Variants in GRM7 observed in about 807,000 individuals in gnomAD.
GRM7 encodes the protein metabotropic glutamate receptor 7.
Under a neutral mutation model 84.5 loss-of-function variants are expected in GRM7, and 35 were observed. The ratio of observed to expected loss-of-function variants is 0.41; its 90% CI spans 0.32 to 0.55. GRM7 has a LOEUF of 0.55. Among genes scored for constraint, GRM7 ranks in the 20% least tolerant of loss-of-function variants. The pLI is 0.19. For missense variants in GRM7, 1,003 were observed against 1,194.6 expected (o/e 0.84, Z 2.36); for synonymous variants, 487 against 455.1 (o/e 1.07, Z -0.89).
intron 2 of GRM7, among the ~76,000 whole-genome samples, chr3:7,192,885 T>A (rs956671847): frequency 4.6e-5 from 7 of 152,124 alleles, no homozygotes; most frequent in Non-Finnish European, 1.0e-4. Flanking sequence ...CACTGGTGAA[T>A]CCTGCCAATA....
chr3:7,667,636 T>G lies in GRM7; in HGVS notation c.2452-12413T>G, dbSNP rs186020977. Among the ~76,000 whole-genome samples, 232 of 152,236 alleles carry G rather than the reference T, an allele frequency of 1.5e-3. 1 individual carries two copies. Among genetic ancestry groups the G allele is most frequent in the Non-Finnish European group, 2.4e-3 (165 of 68,018 alleles). On this transcript the variant is annotated intron_variant, in intron 8 of 9. Transcript: ENST00000357716. ...TTCTAAGAATTTTTTTTTCCTAAATTATAAACATGGTCCTAGATATTATGG... is the reference window on the plus strand; with the variant it reads ...TTCTAAGAATTTTTTTTTCCTAAATGATAAACATGGTCCTAGATATTATGG...
chr3:7,409,089 C>G (rs945469754), intron 4 of GRM7, among the ~76,000 whole-genome samples: 1 of 152,034 alleles, frequency 6.6e-6, no homozygotes, highest in Non-Finnish European at 1.5e-5. Context: ...ATTTATGTGC[C>G]AAGACTACTG....
chr3:7,555,109 C>T (rs1693693917), intron 7 of GRM7, among the ~76,000 whole-genome samples: 1 of 152,162 alleles, frequency 6.6e-6, no homozygotes, highest in African/African-American at 2.4e-5. Flanking sequence ...ATGTCTCATT[C>T]TTCTCAGTTG....
intron 4 of GRM7, among the ~76,000 whole-genome samples, chr3:7,381,628 T>C (rs1694595819): frequency 6.6e-6 from 1 of 152,208 alleles, no homozygotes; most frequent in Admixed American, 6.5e-5. Flanking sequence ...AGTTGACCTC[T>C]ATGAGCCTCC....
intron 7 of GRM7, among the ~76,000 whole-genome samples, chr3:7,543,547 G>T (rs950685190): frequency 6.6e-6 from 1 of 152,186 alleles, no homozygotes; most frequent in Non-Finnish European, 1.5e-5. Flanking sequence ...CAGCAATTCT[G>T]CCACCAGGCT....
At chr3:7,359,674 C>T (rs1461527059) in intron 4 of GRM7, among the ~76,000 whole-genome samples, 1 of 148,032 alleles carries the variant, frequency 6.8e-6, no homozygotes, top group African/African-American at 2.6e-5. Flanking sequence ...ATCTAAGGAA[C>T]AGACTTTTCT....
intron 2 of GRM7, among the ~76,000 whole-genome samples, chr3:7,216,992 G>GT (rs370278234): frequency 0.011 from 1,740 of 152,240 alleles, 29 homozygotes; most frequent in African/African-American, 0.039. Flanking sequence ...ACATCATTTA[G>GT]TTTTTTTCAT....
At chr3:7,192,151 G>A (rs935269755) in intron 2 of GRM7, among the ~76,000 whole-genome samples, 7 of 152,250 alleles carry the variant, frequency 4.6e-5, no homozygotes, top group African/African-American at 1.2e-4. Context: ...CTCTGGGTCC[G>A]TGGTTTCAGA....
At chr3:7,699,100 T>A (rs1029745561) in intron 9 of GRM7, among the ~76,000 whole-genome samples, 4 of 152,130 alleles carry the variant, frequency 2.6e-5, no homozygotes, top group Non-Finnish European at 5.9e-5. Context: ...TGGCAAAGGG[T>A]AATCTCTCAG....
chr3:7,073,440 G>T (rs1559421355), intron 1 of GRM7, among the ~76,000 whole-genome samples: 1 of 152,006 alleles, frequency 6.6e-6, no homozygotes, highest in Non-Finnish European at 1.5e-5. Flanking sequence ...GCAGCACTGT[G>T]CCTTAGTATT....
chr3:6,883,914 G>A (rs184145662), intron 1 of GRM7, among the ~76,000 whole-genome samples: 149 of 152,302 alleles, frequency 9.8e-4, no homozygotes, highest in Non-Finnish European at 1.7e-3. Context: ...GAGCAGCAAC[G>A]TACTGTGCAG....
chr3:7,085,788 A>G (rs528425515), intron 1 of GRM7, among the ~76,000 whole-genome samples: 1 of 152,222 alleles, frequency 6.6e-6, no homozygotes. Flanking sequence ...TTTCAGCTGG[A>G]TGTGGAACCT....
chr3:7,445,218 T>G (rs1223009515), intron 5 of GRM7, among the ~76,000 whole-genome samples: 1 of 152,216 alleles, frequency 6.6e-6, no homozygotes, highest in African/African-American at 2.4e-5. Context: ...ACTTTTAGAT[T>G]ACTTATGGCT....
In GRM7 at chr3:7,298,797, G is replaced by C; in HGVS notation, c.850G>C (p.Val284Leu). 6.2e-7 allele frequency: 1 copy of C among 1,613,676 alleles called. No individual in the cohort carries two copies. Among genetic ancestry groups the C allele is most frequent in the Non-Finnish European group, 8.5e-7 (1 of 1,179,674 alleles). Residue 284 changes from valine (V) to leucine (L), a missense_variant, in exon 3 of 10, where the codon GTG becomes CTG. Physicochemically the swap from Val to Leu is conservative, Grantham distance 32 (BLOSUM62 1). Around this residue, in one of 2 missense-constraint regions of GRM7, gnomAD observed 910 missense variants for 1,126.0 expected, o/e 0.81. Transcript: ENST00000357716. Reference sequence around the variant, plus strand: ...GGACACCCCCAACTCCAGGGCCGTCGTGATTTTTGCCAACGATGAGGATAT... The same window carrying C: ...GGACACCCCCAACTCCAGGGCCGTCCTGATTTTTGCCAACGATGAGGATAT... ...LLDTPNSRAVVIFANDEDIKQ... is the reference protein window; with the variant it reads ...LLDTPNSRAVLIFANDEDIKQ...
intron 7 of GRM7, among the ~76,000 whole-genome samples, chr3:7,473,019 C>T (rs1472333750): frequency 1.3e-5 from 2 of 152,174 alleles, no homozygotes; most frequent in African/African-American, 4.8e-5. Flanking sequence ...GGTATATACC[C>T]AGCTCTCACA....
chr3:7,429,103 G>T (rs1418927671), intron 5 of GRM7, among the ~76,000 whole-genome samples: 2 of 152,116 alleles, frequency 1.3e-5, no homozygotes, highest in Non-Finnish European at 1.5e-5. Flanking sequence ...TGCCTCATTA[G>T]CTATGAAGCC....
At chr3:7,653,416 G>C (rs1053098097) in intron 8 of GRM7, among the ~76,000 whole-genome samples, 9 of 152,054 alleles carry the variant, frequency 5.9e-5, no homozygotes, top group African/African-American at 2.2e-4. Flanking sequence ...AATCCACAAA[G>C]TAACAGATCT....
At chr3:7,376,187 ACACC>A (rs1191635329) in intron 4 of GRM7, among the ~76,000 whole-genome samples, 1 of 152,112 alleles carries the variant, frequency 6.6e-6, no homozygotes, top group Non-Finnish European at 1.5e-5. Context: ...CAGTGTTCTT[ACACC>A]CATGGTTCTC....
At chr3:7,343,940 C>T (rs1692770030) in intron 4 of GRM7, among the ~76,000 whole-genome samples, 1 of 152,072 alleles carries the variant, frequency 6.6e-6, no homozygotes, top group Admixed American at 6.6e-5. Context: ...AGTTTGGTGC[C>T]TGGATGTAGC....
Sources: gnomAD v4.1 joint callset for allele counts (sites outside exome capture counted in the v4.1 genomes callset) on GRCh38, gnomAD v4.1.1 for gene constraint, gnomAD v4.1.1 regional missense constraint, MANE v1.5 for transcripts, NCBI Gene and HGNC (gene_info 2026-07-23, HGNC 2026-07-21) for gene names.